Variants in CCDC175 observed in about 807,000 individuals in gnomAD.
CCDC175 encodes coiled-coil domain-containing protein 175.
CCDC175 carries 100 observed loss-of-function variants against 114.6 expected under a neutral mutation model. The ratio of observed to expected loss-of-function variants is 0.87; its 90% confidence interval spans 0.74 to 1.03. CCDC175 has a LOEUF of 1.03. Among genes scored for constraint, CCDC175 ranks in the 50% least tolerant of loss-of-function variants. The probability of loss-of-function intolerance (pLI) is 0.00; values close to 1 mark genes in which losing one functional copy is unlikely to be tolerated. For missense variants in CCDC175, 880 were observed against 917.8 expected (o/e 0.96, Z 0.53); for synonymous variants, 306 against 308.7 (o/e 0.99, Z 0.09).
In CCDC175 at chr14:59,540,674, C is replaced by CAA. The variant is rs2140036676; in HGVS notation, c.1355_1355+1insTT (p.Val453LeufsTer3). ...TTTTTTTTTTTTTTTTTTTTTTTTACCATCTCTGACTTTCTCTTTCCAGGT... is the reference window on the plus strand; with the variant it reads ...TTTTTTTTTTTTTTTTTTTTTTTTACAACATCTCTGACTTTCTCTTTCCAGGT... On this transcript the variant is annotated frameshift_variant and splice_region_variant. Coordinates refer to ENST00000537690, the MANE Select transcript of CCDC175 (RefSeq NM_001164399.2). LOFTEE classifies it high-confidence loss of function. 1 of 769,716 alleles carries CAA rather than the reference C, an allele frequency of 1.3e-6. No individual in the cohort carries two copies. Among genetic ancestry groups the CAA allele is most frequent in the Non-Finnish European group, 1.8e-6 (1 of 562,312 alleles). The allele number at this position is 769,716 out of a possible 1,614,324, so 47.7% of individuals were successfully genotyped here. A position where few individuals can be genotyped will look rare whatever the true frequency, so the allele number is the denominator to read the frequency against.
At chr14:59,544,675 A>G (rs73305658) in intron 9 of CCDC175, among the ~76,000 whole-genome samples, 1,928 of 152,290 alleles carry the variant, frequency 0.013, 32 homozygotes, top group African/African-American at 0.045. Flanking sequence ...TTCATGAGAA[A>G]AAATTAAAAT....
chr14:59,508,523 G>A (rs1183067337), intron 19 of CCDC175, among the ~76,000 whole-genome samples: 7 of 144,742 alleles, frequency 4.8e-5, no homozygotes, highest in Non-Finnish European at 9.0e-5. Context: ...GGGAGGCAGA[G>A]GTTGCAGTCC....
At chr14:59,555,168 G>T (rs965176720) in intron 7 of CCDC175, among the ~76,000 whole-genome samples, 2 of 152,094 alleles carry the variant, frequency 1.3e-5, no homozygotes, top group Non-Finnish European at 2.9e-5. Flanking sequence ...CAAAAAAAGA[G>T]AATTTTAGAC....
At chr14:59,517,056 C>G (rs1893135570) in intron 17 of CCDC175, among the ~76,000 whole-genome samples, 1 of 152,158 alleles carries the variant, frequency 6.6e-6, no homozygotes, top group African/African-American at 2.4e-5. Flanking sequence ...CAAACAGAAC[C>G]AAAGACAAAA....
At position 59,543,398 on chromosome 14, in the gene CCDC175, C is replaced by G; in HGVS notation, c.1229G>C (p.Arg410Thr). ...TTCTTCCATATTTTTGATGTCTACT[C>G]TCTTTTGTGACAGAAAGTATTCTTT... The part of the protein sequence containing the change: ...SQKEYFLSQK[R>T]VDIKNMEEGL... Residue 410 changes from arginine to threonine, a missense_variant, in exon 10 of 20, where the codon AGA becomes ACA. Arg to Thr is a moderately conservative substitution (Grantham distance 71, BLOSUM62 -1). Coordinates refer to ENST00000537690, the MANE Select transcript of CCDC175 (RefSeq NM_001164399.2). The G allele has an allele frequency of 6.7e-7, 1 of 1,483,100 alleles. No homozygotes were observed. Among genetic ancestry groups the G allele is most frequent in the Non-Finnish European group, 9.0e-7 (1 of 1,114,196 alleles). 91.9% of individuals were successfully genotyped at this position (1,483,100 alleles called of 1,614,324 possible).
chr14:59,572,094 A>T (rs1308944148), intron 3 of CCDC175, among the ~76,000 whole-genome samples: 1 of 152,212 alleles, frequency 6.6e-6, no homozygotes, highest in African/African-American at 2.4e-5. Flanking sequence ...TCTAGTCACA[A>T]CTGTTTTGGA....
chr14:59,540,663 T>A lies in CCDC175; in HGVS notation c.1355+12A>T. On this transcript the variant is annotated intron_variant, in intron 11 of 19. Coordinates refer to ENST00000537690, the MANE Select transcript of CCDC175 (RefSeq NM_001164399.2). ...CACAAATAAACTTTTTTTTTTTTTT[T>A]TTTTTTTTTACCATCTCTGACTTTC... is the stretch of plus-strand genomic sequence containing the variant. 1 of 1,504,442 alleles carries A rather than the reference T, an allele frequency of 6.6e-7. No individual in the cohort carries two copies. The highest frequency in any genetic ancestry group is 1.4e-5 in the African/African-American group (1 of 70,532). 93.2% of individuals were successfully genotyped at this position (1,504,442 alleles called of 1,614,324 possible).
At chr14:59,515,669 A>C (rs1594981793) in intron 17 of CCDC175, among the ~76,000 whole-genome samples, 1 of 152,198 alleles carries the variant, frequency 6.6e-6, no homozygotes, top group African/African-American at 2.4e-5. Flanking sequence ...TCATAAAGCA[A>C]GTCCTTAGAG....
chr14:59,552,073 A>T (rs903056796), intron 7 of CCDC175, among the ~76,000 whole-genome samples: 1 of 152,340 alleles, frequency 6.6e-6, no homozygotes, highest in Admixed American at 6.5e-5. Flanking sequence ...GGCAGCAGAA[A>T]CCTCTGCAGA....
intron 2 of CCDC175, among the ~76,000 whole-genome samples, chr14:59,573,180 TA>T (rs976355131): frequency 4.6e-5 from 7 of 152,046 alleles, no homozygotes; most frequent in South Asian, 2.1e-4. Flanking sequence ...TGCTTAGGTA[TA>T]AAAAAAATGG....
chr14:59,576,376 T>C (rs1897121033), intron 1 of CCDC175, among the ~76,000 whole-genome samples: 1 of 152,138 alleles, frequency 6.6e-6, no homozygotes, highest in Admixed American at 6.6e-5. Context: ...GTCACCTCAG[T>C]AATTTAACTA....
intron 8 of CCDC175, among the ~76,000 whole-genome samples, chr14:59,546,988 C>T (rs144961322): frequency 3.3e-5 from 5 of 152,204 alleles, no homozygotes; most frequent in African/African-American, 1.2e-4. Context: ...GCCTGTAATC[C>T]TAGCACTTTG....
At chr14:59,546,616 G>A (rs113138698) in intron 8 of CCDC175, among the ~76,000 whole-genome samples, 6 of 152,144 alleles carry the variant, frequency 3.9e-5, no homozygotes, top group Non-Finnish European at 7.4e-5. Flanking sequence ...CAAGTTTTGG[G>A]TTTTTTTGCA....
chr14:59,538,193 A>G (rs1894528727), intron 12 of CCDC175, 39 bp from the exon 13 acceptor site: 1 of 1,506,786 alleles, frequency 6.6e-7, no homozygotes, highest in Non-Finnish European at 8.8e-7. Flanking sequence ...TTTCTCTTGT[A>G]GTGATCAGCC....
At chr14:59,567,430 T>A (rs1382232544) in intron 4 of CCDC175, among the ~76,000 whole-genome samples, 2 of 152,206 alleles carry the variant, frequency 1.3e-5, no homozygotes, top group African/African-American at 4.8e-5. Context: ...CCTCTGATTA[T>A]TTTGGATTCC....
At chr14:59,532,986 G>A (rs1894158038) in intron 13 of CCDC175, among the ~76,000 whole-genome samples, 3 of 152,142 alleles carry the variant, frequency 2.0e-5, no homozygotes, top group Admixed American at 2.0e-4. Context: ...ACACATAATT[G>A]GAAGGAAATG....
At chr14:59,520,698 C>A (rs1893380242) in intron 17 of CCDC175, among the ~76,000 whole-genome samples, 1 of 152,134 alleles carries the variant, frequency 6.6e-6, no homozygotes, top group African/African-American at 2.4e-5. Flanking sequence ...GTGAGACATG[C>A]AACAACTTAG....
Position 59,531,654 on chromosome 14 carries a change from T to G in CCDC175, c.1762+118A>C, listed in dbSNP as rs141324573. 3.1e-3 allele frequency: 2,034 copies of G among 652,928 alleles called. 32 individuals are homozygous for G. In the African/African-American group the frequency reaches 0.031, roughly 10 times the overall value. 40.4% of individuals were successfully genotyped at this position (652,928 alleles called of 1,614,324 possible). On this transcript the variant is annotated intron_variant, in intron 14 of 19. Transcript: ENST00000537690. ...CTAGAGAACAGAGGGCTAAAGGTAA[T>G]GGGGAAAGTTTGGTGAGTTTCACCA...
chr14:59,563,769 T>C lies in CCDC175; in HGVS notation c.811A>G (p.Lys271Glu). 1 of 1,442,890 alleles carries C rather than the reference T, an allele frequency of 6.9e-7. No homozygotes were observed. Among genetic ancestry groups the C allele is most frequent in the Non-Finnish European group, 9.1e-7 (1 of 1,099,930 alleles). The allele number at this position is 1,442,890 out of a possible 1,614,324, so 89.4% of individuals were successfully genotyped here. ...ELDKLQTKMS[K>E]IKETVTVSAA... The stretch of plus-strand genomic sequence containing the variant: ...GAAACAGTAACTGTTTCTTTTATTT[T>C]TGACATTTTAGTTTGTAATTTATCC... Residue 271 changes from lysine (K) to glutamate (E), a missense_variant, in exon 6 of 20, where the codon AAA becomes GAA. Physicochemically the swap from Lys to Glu is moderately conservative, Grantham distance 56. Coordinates refer to ENST00000537690, the MANE Select transcript of CCDC175 (RefSeq NM_001164399.2).
Sources: allele counts gnomAD v4.1 joint callset (sites outside exome capture counted in the v4.1 genomes callset), GRCh38; gene constraint gnomAD v4.1.1; transcripts MANE v1.5; gene names NCBI Gene and HGNC (gene_info 2026-07-23, HGNC 2026-07-21).